SLC2A10: variants seen among roughly 807,000 people sequenced by gnomAD.
SLC2A10 encodes the protein solute carrier family 2, facilitated glucose transporter member 10.
In SLC2A10, 25 loss-of-function variants were observed where a neutral mutation model predicts 32.1. The ratio of observed to expected loss-of-function variants is 0.78; its 90% confidence interval spans 0.57 to 1.09. The LOEUF (loss-of-function observed/expected upper bound fraction) is 1.09. Ranked by LOEUF, SLC2A10 falls within the 50% of genes least tolerant of loss-of-function variation. The pLI is 0.00. For missense variants in SLC2A10, 673 were observed against 686.5 expected, an observed-to-expected ratio of 0.98 and a Z score of 0.22; for synonymous variants, 332 against 309.6, an observed-to-expected ratio of 1.07 and a Z score of -0.76.
intron 1 of SLC2A10, among the ~76,000 whole-genome samples, chr20:46,723,966 A>G (rs192816670): frequency 5.9e-5 from 9 of 152,360 alleles, no homozygotes; most frequent in Non-Finnish European, 1.2e-4. Context: ...TATAAGTACT[A>G]ACCATTAATA....
rs1979889318 is a variant in SLC2A10, at chr20:46,725,786, G to A, written c.750G>A (p.Val250=). Residue 250 remains valine (V), a synonymous_variant, in exon 2 of 5, where the codon GTG becomes GTA. Coordinates refer to ENST00000359271, the MANE Select transcript of SLC2A10 (RefSeq NM_030777.4). ...AGCAACTAACAGGGCAGCCCAACGT[G>A]CTGTGCTATGCCTCCACCATCTTCA... The part of the protein sequence containing the change: ...LFQQLTGQPN[V]LCYASTIFSS... 1 of 1,614,098 alleles carries A rather than the reference G, an allele frequency of 6.2e-7. No individual in the cohort carries two copies. The highest frequency in any genetic ancestry group is 8.5e-7 in the Non-Finnish European group (1 of 1,180,038).
rs1373112349 is a variant in SLC2A10, at chr20:46,725,740, GC to G, written c.706del (p.Leu236TrpfsTer9). 1 of 1,614,034 alleles carries G rather than the reference GC, an allele frequency of 6.2e-7. No homozygotes were observed. Among genetic ancestry groups the G allele is most frequent in the Non-Finnish European group, 8.5e-7 (1 of 1,180,048 alleles). ...AACATGCGAGGCCGGACCACAGTGG[GC>G]CTGGGGCTGGTGCTCTTCCAGCAAC... ...RDNMRGRTTV[G>X]LGLVLFQQLT... On this transcript the variant is annotated frameshift_variant, in exon 2 of 5. Coordinates refer to ENST00000359271, the MANE Select transcript of SLC2A10 (RefSeq NM_030777.4). LOFTEE classifies it high-confidence loss of function.
At position 46,725,903 on chromosome 20, in the gene SLC2A10, G is replaced by A; in HGVS notation, c.867G>A (p.Gly289=). ...VKVAATLTAM[G]LVDRAGRRAL... ...TGGCAGCTACCCTGACCGCCATGGG[G>A]CTGGTGGACCGTGCAGGCCGCAGGG... Residue 289 remains glycine, a synonymous_variant, in exon 2 of 5, where the codon GGG becomes GGA. Transcript: ENST00000359271. 1 of 1,614,148 alleles carries A rather than the reference G, an allele frequency of 6.2e-7. No homozygotes were observed. The highest frequency in any genetic ancestry group is 1.1e-5 in the South Asian group (1 of 91,080).
chr20:46,726,819 C>A (rs1337884063), intron 2 of SLC2A10, 45 bp from the exon 3 acceptor site: 3 of 1,613,464 alleles, frequency 1.9e-6, no homozygotes, highest in Admixed American at 1.7e-5. Flanking sequence ...TGCCAGGCCC[C>A]AGGTCCCACC....
chr20:46,726,200 GC>G lies in SLC2A10; in HGVS notation c.1165del (p.Leu389TrpfsTer3). On this transcript the variant is annotated frameshift_variant, in exon 2 of 5. Transcript: ENST00000359271. LOFTEE classifies it high-confidence loss of function. Reference sequence around the variant, plus strand: ...CTGGAGACCCCTCAGCCCCTCCTCGGCTGGCCCTGAGCTCTGCCCTCCCTGG... The same window carrying G: ...CTGGAGACCCCTCAGCCCCTCCTCGGTGGCCCTGAGCTCTGCCCTCCCTGG... The part of the protein sequence containing the change: ...RSGDPSAPPR[L>X]ALSSALPGPP... 2 of 1,614,148 alleles carry G rather than the reference GC, an allele frequency of 1.2e-6. No homozygotes were observed. Among genetic ancestry groups the G allele is most frequent in the South Asian group, 2.2e-5 (2 of 91,090 alleles).
intron 3 of SLC2A10, among the ~76,000 whole-genome samples, chr20:46,728,334 C>G (rs1266379252): frequency 1.3e-5 from 2 of 152,140 alleles, no homozygotes; most frequent in African/African-American, 4.8e-5. Flanking sequence ...GAATGGCTTC[C>G]AAAACATAAT....
intron 2 of SLC2A10, 137 bp from the exon 3 acceptor site, chr20:46,726,727 C>A: frequency 3.4e-6 from 4 of 1,171,084 alleles, no homozygotes; most frequent in Non-Finnish European, 5.1e-6. Context: ...ATTCTTATAG[C>A]AGAATGGGAG....
At chr20:46,733,305 G>C (rs1017324178) in intron 4 of SLC2A10, among the ~76,000 whole-genome samples, 7 of 152,110 alleles carry the variant, frequency 4.6e-5, no homozygotes, top group Non-Finnish European at 7.3e-5. Context: ...TAAATCACCA[G>C]ATTTCATGAG....
In SLC2A10 at chr20:46,726,950, A is replaced by G. The variant is rs781676521; in HGVS notation, c.1375A>G (p.Asn459Asp). ...AFCNSFNWAA[N>D]LFISLSFLDL... ...CTGCAACAGCTTCAACTGGGCGGCC[A>G]ACCTCTTCATCAGCCTCTCCTTCCT... Residue 459 changes from asparagine to aspartate, a missense_variant, in exon 3 of 5, where the codon AAC (asparagine) becomes GAC (aspartate). Physicochemically the swap from Asn to Asp is conservative, Grantham distance 23. Coordinates refer to ENST00000359271, the MANE Select transcript of SLC2A10 (RefSeq NM_030777.4). The G allele has an allele frequency of 6.2e-7, 1 of 1,614,222 alleles. No homozygotes were observed.
chr20:46,718,285 A>G (rs1979367504), intron 1 of SLC2A10, among the ~76,000 whole-genome samples: 1 of 151,802 alleles, frequency 6.6e-6, no homozygotes, highest in South Asian at 2.1e-4. Context: ...TGGCGCCTTC[A>G]TTATTCCCTG....
In SLC2A10 at chr20:46,712,347, C is replaced by G. The variant is rs374296399; in HGVS notation, c.4+2607C>G. The stretch of plus-strand genomic sequence containing the variant: ...TGTGACCTCTGGTTGAGACACTACT[C>G]TAGTGTCACCAACGGGAGGCCTAGG... On this transcript the variant is annotated intron_variant, in intron 1 of 4. Coordinates refer to ENST00000359271, the MANE Select transcript of SLC2A10 (RefSeq NM_030777.4). 3.2e-4 allele frequency among the ~76,000 whole-genome samples: 49 copies of G among 152,314 alleles called. 1 individual carries two copies. In the East Asian group the frequency reaches 7.2e-3, roughly 22 times the overall value.
In SLC2A10 at chr20:46,725,353, C is replaced by T; in HGVS notation, c.317C>T (p.Ala106Val). ...CTGGCCTGGCTGGTCCTGGGCCGCG[C>T]TGTGGTTGGCTTCGCCATTTCCCTC... ...GSLAWLVLGR[A>V]VVGFAISLSS... Residue 106 changes from alanine to valine, a missense_variant, in exon 2 of 5, where the codon GCT becomes GTT. Coordinates refer to ENST00000359271, the MANE Select transcript of SLC2A10 (RefSeq NM_030777.4). 6.2e-7 allele frequency: 1 copy of T among 1,614,134 alleles called. No individual in the cohort carries two copies. The highest frequency in any genetic ancestry group is 8.5e-7 in the Non-Finnish European group (1 of 1,180,040).
intron 1 of SLC2A10, among the ~76,000 whole-genome samples, chr20:46,711,076 T>G (rs1978882526): frequency 6.8e-6 from 1 of 146,154 alleles, no homozygotes; most frequent in South Asian, 2.1e-4. Flanking sequence ...TTTCACCATG[T>G]TGGCCAGGAT....
intron 4 of SLC2A10, among the ~76,000 whole-genome samples, chr20:46,733,401 C>T (rs938642225): frequency 1.1e-4 from 16 of 152,180 alleles, no homozygotes; most frequent in Non-Finnish European, 1.8e-4. Flanking sequence ...CAATCACCTC[C>T]CATCAGGCCC....
chr20:46,727,901 G>A (rs147076392), intron 3 of SLC2A10, among the ~76,000 whole-genome samples: 123 of 152,222 alleles, frequency 8.1e-4, no homozygotes, highest in African/African-American at 2.8e-3. Flanking sequence ...TCCCAAAGGT[G>A]CAGCCAACTT....
intron 1 of SLC2A10, among the ~76,000 whole-genome samples, chr20:46,713,572 C>T (rs1447068029): frequency 6.6e-6 from 1 of 152,118 alleles, no homozygotes; most frequent in Non-Finnish European, 1.5e-5. Context: ...TTGAAGGCCA[C>T]GGTGAGGACG....
rs768433086 is a variant in SLC2A10 at position 46,725,699 on chromosome 20, C to T, written c.663C>T (p.Leu221=). ...GGCCACGGTACTCCTTTCTGGACCT[C>T]TTCAGGGCACGCGATAACATGCGAG... ...PGRPRYSFLD[L]FRARDNMRGR... Residue 221 remains leucine, a synonymous_variant, in exon 2 of 5, where the codon CTC becomes CTT. Coordinates refer to ENST00000359271, the MANE Select transcript of SLC2A10 (RefSeq NM_030777.4). The T allele has an allele frequency of 1.2e-6, 2 of 1,614,134 alleles. No homozygotes were observed. The highest frequency in any genetic ancestry group is 1.7e-5 in the Admixed American group (1 of 60,034).
At chr20:46,715,716 C>A (rs1979197565) in intron 1 of SLC2A10, among the ~76,000 whole-genome samples, 1 of 152,172 alleles carries the variant, frequency 6.6e-6, no homozygotes, top group African/African-American at 2.4e-5. Flanking sequence ...GGGACCCAAG[C>A]AAGAGAACAG....
chr20:46,712,933 G>A (rs1979016570), intron 1 of SLC2A10, among the ~76,000 whole-genome samples: 1 of 151,852 alleles, frequency 6.6e-6, no homozygotes, highest in Non-Finnish European at 1.5e-5. Flanking sequence ...GGGATTATAG[G>A]CATGAGCCAC....
Sources: gnomAD v4.1 joint callset for allele counts (sites outside exome capture counted in the v4.1 genomes callset) on GRCh38, gnomAD v4.1.1 for gene constraint, MANE v1.5 for transcripts, NCBI Gene and HGNC (gene_info 2026-07-23, HGNC 2026-07-21) for gene names.